The following HEPHL1 variants were observed in gnomAD, a reference collection of about 807,000 sequenced individuals.
HEPHL1 encodes the protein hephaestin like 1.
Under a neutral mutation model 122.0 loss-of-function variants are expected in HEPHL1, and 123 were observed. That is an observed-to-expected ratio of 1.01 (90% CI 0.87 to 1.17). The LOEUF is 1.17. Ranked by LOEUF, HEPHL1 falls within the 50% of genes most tolerant of loss-of-function variation. HEPHL1 has a pLI of 0.00. For synonymous variants in HEPHL1, 527 were observed against 508.9 expected (o/e 1.04, Z -0.48); for missense variants, 1,452 against 1,430.5 (o/e 1.01, Z -0.24).
chr11:94,092,562 T>C (rs1946270900), intron 12 of HEPHL1, among the ~76,000 whole-genome samples: 1 of 152,160 alleles, frequency 6.6e-6, no homozygotes, highest in Non-Finnish European at 1.5e-5. Context: ...CTTGTGTGCT[T>C]TATGTTGGTG....
At chr11:94,075,465 AG>A in intron 9 of HEPHL1, 80 bp downstream of exon 9, 6 of 1,050,874 alleles carry the variant, frequency 5.7e-6, no homozygotes, top group Non-Finnish European at 8.7e-6. Flanking sequence ...AGACAGGAAT[AG>A]TCAGTTACAA....
intron 1 of HEPHL1, among the ~76,000 whole-genome samples, chr11:94,037,541 C>T (rs1463592839): frequency 6.6e-6 from 1 of 152,128 alleles, no homozygotes; most frequent in Admixed American, 6.5e-5. Context: ...CAGACTGCCT[C>T]CTCAAGTGGG....
chr11:94,104,222 G>A (rs1219733399), intron 15 of HEPHL1, among the ~76,000 whole-genome samples: 1 of 152,156 alleles, frequency 6.6e-6, no homozygotes, highest in African/African-American at 2.4e-5. Context: ...AGTAAATCAA[G>A]GGGTAGCCTA....
chr11:94,108,673 T>C lies in HEPHL1; in HGVS notation c.3046-2230T>C, dbSNP rs1233717378. On this transcript the variant is annotated intron_variant, in intron 17 of 19. Transcript: ENST00000315765. Reference sequence around the variant, plus strand: ...AGATCATCTTTTTTTCCCACAGAATTGACTCTTTACTTTTGTGAAAATCAT... The same window carrying C: ...AGATCATCTTTTTTTCCCACAGAATCGACTCTTTACTTTTGTGAAAATCAT... 2.6e-5 allele frequency among the ~76,000 whole-genome samples: 4 copies of C among 152,050 alleles called. 1 individual carries two copies. In the South Asian group the frequency reaches 6.2e-4, roughly 24 times the overall value.
At chr11:94,055,291 C>T (rs141009131) in intron 2 of HEPHL1, 27 of 287,518 alleles carry the variant, frequency 9.4e-5, no homozygotes, top group Middle Eastern at 2.7e-3. Context: ...TGTTTCACTC[C>T]CACCACTTCT....
intron 1 of HEPHL1, among the ~76,000 whole-genome samples, chr11:94,042,393 A>G (rs1296458030): frequency 7.0e-6 from 1 of 142,294 alleles, no homozygotes; most frequent in Non-Finnish European, 1.5e-5. Flanking sequence ...CCAAAGGACT[A>G]TAAATCATGC....
intron 2 of HEPHL1, among the ~76,000 whole-genome samples, chr11:94,057,150 GGTCATTTTT>G (rs1430332900): frequency 1.7e-4 from 26 of 151,990 alleles, no homozygotes; most frequent in Non-Finnish European, 1.5e-5. Flanking sequence ...GTACGTGATA[GGTCATTTTT>G]GTCTATCTGA....
At chr11:94,054,678 A>G (rs560994616) in intron 2 of HEPHL1, among the ~76,000 whole-genome samples, 3 of 152,290 alleles carry the variant, frequency 2.0e-5, no homozygotes, top group South Asian at 2.1e-4. Flanking sequence ...CAGGCTGACA[A>G]CTGTTCTTCC....
Position 94,082,468 on chromosome 11 carries a change from T to C in HEPHL1, c.1767T>C (p.Asn589=). Residue 589 remains asparagine, a synonymous_variant, in exon 10 of 20, where the codon AAT becomes AAC. Transcript: ENST00000315765. The part of the protein sequence containing the change: ...FYLLFTVFDE[N]LSRYFDENIQ... ...TACTGTTCACAGTCTTTGATGAGAA[T>C]CTGAGCAGATATTTTGATGAAAACA... 1 of 1,612,604 alleles carries C rather than the reference T, an allele frequency of 6.2e-7. No individual in the cohort carries two copies. Among genetic ancestry groups the C allele is most frequent in the Non-Finnish European group, 8.5e-7 (1 of 1,178,766 alleles).
chr11:94,072,891 T>C lies in HEPHL1; in HGVS notation c.1233-134T>C, dbSNP rs1946087833. ...TGGTTAACTATTCCTGGGAACTCTG[T>C]CAAGGCCTGTGCTGTCTTTTCTGGG... On this transcript the variant is annotated intron_variant, in intron 6 of 19. Coordinates refer to ENST00000315765, the MANE Select transcript of HEPHL1 (RefSeq NM_001098672.2). The C allele has an allele frequency of 7.9e-6, 6 of 759,802 alleles. No individual in the cohort carries two copies. The Admixed American group carries it at 1.4e-4, about 18-fold the overall frequency. 47.1% of individuals were successfully genotyped at this position (759,802 alleles called of 1,614,324 possible).
At chr11:94,078,127 A>G (rs890492690) in intron 9 of HEPHL1, among the ~76,000 whole-genome samples, 11 of 152,064 alleles carry the variant, frequency 7.2e-5, no homozygotes, top group African/African-American at 2.7e-4. Context: ...ACATGCAACA[A>G]ATATTTCTGG....
Position 94,073,437 on chromosome 11 carries a change from A to C in HEPHL1, c.1502A>C (p.Asp501Ala). ...GCATCTGATGCAGCCCCAAACCTAG[A>C]TGGTAAGTCTCACTCTGGGCTTAGG... ...DKASDAAPNL[D>A]GFVKPGAHVK... The change falls in exon 8 of 20, where the codon GAT (aspartate) becomes GCT (alanine). Residue 501 changes from aspartate (D) to alanine (A), a missense_variant and splice_region_variant. Physicochemically the swap from Asp to Ala is moderately radical, Grantham distance 126 (BLOSUM62 -2). Coordinates refer to ENST00000315765, the MANE Select transcript of HEPHL1 (RefSeq NM_001098672.2). 1 of 1,552,834 alleles carries C rather than the reference A, an allele frequency of 6.4e-7. No homozygotes were observed. Among genetic ancestry groups the C allele is most frequent in the Non-Finnish European group, 8.7e-7 (1 of 1,147,182 alleles).
chr11:94,032,085 C>T (rs938733229), intron 1 of HEPHL1, among the ~76,000 whole-genome samples: 2 of 152,228 alleles, frequency 1.3e-5, no homozygotes, highest in Non-Finnish European at 1.5e-5. Flanking sequence ...TAATCAAAGC[C>T]TCCTTTCCAA....
At chr11:94,059,456 T>C (rs1472786094) in intron 2 of HEPHL1, among the ~76,000 whole-genome samples, 2 of 152,164 alleles carry the variant, frequency 1.3e-5, no homozygotes, top group Non-Finnish European at 2.9e-5. Context: ...TCTCTGCCAT[T>C]TGTTTATGAA....
At chr11:94,096,372 C>A (rs927477693) in intron 13 of HEPHL1, among the ~76,000 whole-genome samples, 1 of 152,090 alleles carries the variant, frequency 6.6e-6, no homozygotes, top group Non-Finnish European at 1.5e-5. Context: ...GGATGAAGCC[C>A]ACTTGATCAT....
intron 13 of HEPHL1, among the ~76,000 whole-genome samples, chr11:94,096,026 A>G (rs1053267629): frequency 3.9e-5 from 6 of 152,086 alleles, no homozygotes; most frequent in South Asian, 2.1e-4. Context: ...TCTCCTGCCT[A>G]ATTGACCTGG....
chr11:94,044,492 T>G (rs1303631625), intron 1 of HEPHL1, among the ~76,000 whole-genome samples: 1 of 152,160 alleles, frequency 6.6e-6, no homozygotes, highest in Admixed American at 6.5e-5. Context: ...GCTTCCAAGA[T>G]AAATTTTAAA....
chr11:94,055,254 G>A, intron 2 of HEPHL1: 1 of 272,868 alleles, frequency 3.7e-6, no homozygotes, highest in Non-Finnish European at 7.3e-6. Context: ...CATGAATCTG[G>A]CCCTCTCTGA....
intron 9 of HEPHL1, among the ~76,000 whole-genome samples, chr11:94,075,762 A>C (rs1229868432): frequency 6.6e-6 from 1 of 152,186 alleles, no homozygotes; most frequent in African/African-American, 2.4e-5. Flanking sequence ...TCCATTATTC[A>C]GATACTACAG....
Sources: gnomAD v4.1 joint callset for allele counts (sites outside exome capture counted in the v4.1 genomes callset) on GRCh38, gnomAD v4.1.1 for gene constraint, MANE v1.5 for transcripts, NCBI Gene and HGNC (gene_info 2026-07-23, HGNC 2026-07-21) for gene names.